GPAM: variants seen among roughly 807,000 people sequenced by gnomAD.
GPAM encodes glycerol-3-phosphate acyltransferase 1, mitochondrial.
GPAM carries 56 observed loss-of-function variants against 105.0 expected under a neutral mutation model. The observed-to-expected ratio is 0.53, with a 90% confidence interval of 0.43 to 0.67. The LOEUF (loss-of-function observed/expected upper bound fraction) is 0.67. GPAM is among the 30% of genes least tolerant of loss of function. The probability of loss-of-function intolerance (pLI) is 0.00; values close to 1 mark genes in which losing one functional copy is unlikely to be tolerated. For synonymous variants in GPAM, 368 were observed against 354.4 expected (o/e 1.04, Z -0.43); for missense variants, 855 against 989.8 (o/e 0.86, Z 1.83).
At chr10:112,195,272 T>A (rs1172272199) in intron 1 of GPAM, among the ~76,000 whole-genome samples, 1 of 152,216 alleles carries the variant, frequency 6.6e-6, no homozygotes. Flanking sequence ...TTCCATATAT[T>A]CCTTACAGAT....
chr10:112,150,672 G>T lies in GPAM; in HGVS notation c.*2878C>A. 1 of 915,934 alleles carries T rather than the reference G, an allele frequency of 1.1e-6. No homozygotes were observed. The highest frequency in any genetic ancestry group is 1.3e-6 in the Non-Finnish European group (1 of 766,624). 56.7% of individuals were successfully genotyped at this position (915,934 alleles called of 1,614,324 possible). On this transcript the variant is annotated 3_prime_UTR_variant, in exon 22 of 22. Transcript: ENST00000348367. Reference sequence around the variant, plus strand: ...TGTCAAAATAGTTTGGGCAATGCTGGGTTAGACAGTTTTTCACTACCGGAT... The same window carrying T: ...TGTCAAAATAGTTTGGGCAATGCTGTGTTAGACAGTTTTTCACTACCGGAT...
rs1480636807 is a variant in GPAM, at chr10:112,156,721, T to TA, written c.2121+527dup. 4.6e-5 allele frequency: 8 copies of TA among 173,670 alleles called. No homozygotes were observed. In the South Asian group the frequency reaches 1.2e-3, roughly 25 times the overall value. 10.8% of individuals were successfully genotyped at this position (173,670 alleles called of 1,614,324 possible). A position where few individuals can be genotyped will look rare whatever the true frequency, so the allele number is the denominator to read the frequency against. ...AAATGTCAAAAAAGAGTAATCCTCTTAGAGTATTCAGAAAAGACGGGTCAT... is the reference window on the plus strand; with the variant it reads ...AAATGTCAAAAAAGAGTAATCCTCTTAAGAGTATTCAGAAAAGACGGGTCAT... On this transcript the variant is annotated intron_variant, in intron 19 of 21. Transcript: ENST00000348367.
chr10:112,162,409 C>T (rs1227501699), intron 14 of GPAM, among the ~76,000 whole-genome samples: 2 of 152,156 alleles, frequency 1.3e-5, no homozygotes, highest in African/African-American at 4.8e-5. Context: ...CTCTTTCAAC[C>T]TGACCCAGAG....
chr10:112,173,750 G>C lies in GPAM; in HGVS notation c.509C>G (p.Ala170Gly), dbSNP rs376944189. ...SKAVNKVKKK[A>G]KRILQEMVAT... ...AACCATTTCTTGAAGAATCCTTTTA[G>C]CTTTCTTTTTCACTTTGTTAACGGC... is the stretch of plus-strand genomic sequence containing the variant. The change falls in exon 7 of 22, where the codon GCT (alanine) becomes GGT (glycine). Residue 170 changes from alanine to glycine, a missense_variant. Coordinates refer to ENST00000348367, the MANE Select transcript of GPAM (RefSeq NM_001244949.2). The C allele has an allele frequency of 2.8e-5, 45 of 1,613,670 alleles. No individual in the cohort carries two copies. The highest frequency in any genetic ancestry group is 3.6e-5 in the Non-Finnish European group (43 of 1,179,748).
intron 5 of GPAM, among the ~76,000 whole-genome samples, 196 bp downstream of exon 5, chr10:112,177,788 A>C (rs1019888445): frequency 6.6e-6 from 1 of 152,248 alleles, no homozygotes; most frequent in Admixed American, 6.5e-5. Flanking sequence ...ATTATCTGTA[A>C]GTACACAAGT....
chr10:112,202,545 T>C (rs1448748281), intron 1 of GPAM, among the ~76,000 whole-genome samples: 2 of 152,248 alleles, frequency 1.3e-5, no homozygotes, highest in African/African-American at 4.8e-5. Context: ...GACTGAATTA[T>C]AACCATCACT....
Position 112,157,230 on chromosome 10 carries a change from G to A in GPAM, c.2121+19C>T. On this transcript the variant is annotated intron_variant, in intron 19 of 21. Transcript: ENST00000348367. ...CAACATATCCCTGTAATATCCACCA[G>A]AATTCTTCACCCAAGTACCTTCAGG... The A allele has an allele frequency of 1.9e-6, 3 of 1,609,002 alleles. No homozygotes were observed. The highest frequency in any genetic ancestry group is 2.6e-6 in the Non-Finnish European group (3 of 1,175,376).
chr10:112,171,733 T>A (rs1452116808), intron 9 of GPAM, among the ~76,000 whole-genome samples: 2 of 152,182 alleles, frequency 1.3e-5, no homozygotes, highest in Non-Finnish European at 2.9e-5. Flanking sequence ...AAACATACCT[T>A]TCACATGATA....
chr10:112,211,590 G>C (rs575728399), intron 1 of GPAM, among the ~76,000 whole-genome samples: 1 of 152,160 alleles, frequency 6.6e-6, no homozygotes, highest in Non-Finnish European at 1.5e-5. Flanking sequence ...CTATTTGTTT[G>C]TGTGATTTTT....
At chr10:112,163,611 T>TA (rs1413495600) in intron 14 of GPAM, 90 bp downstream of exon 14, 1 of 735,342 alleles carries the variant, frequency 1.4e-6, no homozygotes, top group Non-Finnish European at 2.5e-6. Context: ...AAGTGGAAAC[T>TA]AACCTCAGCA....
intron 1 of GPAM, among the ~76,000 whole-genome samples, chr10:112,207,100 A>T (rs1017477104): frequency 6.6e-6 from 1 of 152,238 alleles, no homozygotes; most frequent in Non-Finnish European, 1.5e-5. Context: ...TCTCAACCAG[A>T]GGTGATTTTG....
intron 1 of GPAM, among the ~76,000 whole-genome samples, chr10:112,191,480 A>C (rs971929916): frequency 1.3e-5 from 2 of 152,250 alleles, no homozygotes; most frequent in Non-Finnish European, 2.9e-5. Flanking sequence ...AGAGCAGTGT[A>C]GTTAAGAAAT....
Position 112,153,608 on chromosome 10 carries a change from A to C in GPAM, c.2429T>G (p.Leu810Arg). ...VSVLELSSTF[L>R]PQCNRQKLLE... ...AAGTTTTTGTCGGTTGCATTGAGGT[A>C]GAAAAGTGCTGCTCAGTTCTAAAAC... The change falls in exon 22 of 22, where the codon CTA becomes CGA. Residue 810 changes from leucine (L) to arginine (R), a missense_variant. Leu to Arg is a moderately radical substitution (Grantham distance 102). Coordinates refer to ENST00000348367, the MANE Select transcript of GPAM (RefSeq NM_001244949.2). The C allele has an allele frequency of 6.2e-7, 1 of 1,613,972 alleles. No individual in the cohort carries two copies. Among genetic ancestry groups the C allele is most frequent in the Non-Finnish European group, 8.5e-7 (1 of 1,179,862 alleles).
chr10:112,156,549 C>T (rs1046834791), intron 19 of GPAM: 5 of 181,368 alleles, frequency 2.8e-5, no homozygotes, highest in East Asian at 1.5e-4. Context: ...GCCACTGTGA[C>T]GGCGGTGCTT....
At chr10:112,214,585 A>G (rs1392945034) in intron 1 of GPAM, among the ~76,000 whole-genome samples, 1 of 152,194 alleles carries the variant, frequency 6.6e-6, no homozygotes, top group Non-Finnish European at 1.5e-5. Context: ...AGTAGGGAAT[A>G]CAGTGGGGAT....
intron 1 of GPAM, among the ~76,000 whole-genome samples, chr10:112,213,299 G>A (rs1375833109): frequency 1.3e-5 from 2 of 152,178 alleles, no homozygotes; most frequent in African/African-American, 2.4e-5. Context: ...AACTTGGGCA[G>A]TTTCCTTAAC....
the GPAM span, among the ~76,000 whole-genome samples, chr10:112,224,078 T>C: frequency 2.6e-5 from 4 of 152,334 alleles, no homozygotes; most frequent in African/African-American, 9.6e-5. Flanking sequence ...ATGACATGTG[T>C]AGTGATGTCT....
At chr10:112,161,777 T>C (rs1226805943) in intron 14 of GPAM, 40 bp from the exon 15 acceptor site, 11 of 1,522,462 alleles carry the variant, frequency 7.2e-6, no homozygotes, top group Non-Finnish European at 1.0e-5. Context: ...TTGCACTTTT[T>C]ACAAACATAG....
intron 6 of GPAM, among the ~76,000 whole-genome samples, chr10:112,174,838 T>C (rs1011617727): frequency 2.0e-5 from 3 of 152,212 alleles, no homozygotes; most frequent in African/African-American, 7.2e-5. Context: ...ATTCGAGAAG[T>C]ATTTCTTGAG....
Sources: gnomAD v4.1 joint callset for allele counts (sites outside exome capture counted in the v4.1 genomes callset) on GRCh38, gnomAD v4.1.1 for gene constraint, MANE v1.5 for transcripts, NCBI Gene and HGNC (gene_info 2026-07-23, HGNC 2026-07-21) for gene names.